Variants in ACTR6 observed in about 807,000 individuals in gnomAD.
ACTR6 encodes actin related protein 6.
Under a neutral mutation model 52.5 loss-of-function variants are expected in ACTR6, and 50 were observed. The observed-to-expected ratio is 0.95, with a 90% CI of 0.76 to 1.20. The LOEUF is 1.20. Ranked by LOEUF, ACTR6 falls within the 50% of genes most tolerant of loss-of-function variation. The probability of loss-of-function intolerance (pLI) is 0.00; values close to 1 mark genes in which losing one functional copy is unlikely to be tolerated. For missense variants in ACTR6, 344 were observed against 472.4 expected, an observed-to-expected ratio of 0.73 and a Z score of 2.52; for synonymous variants, 135 against 147.2, an observed-to-expected ratio of 0.92 and a Z score of 0.60.
At chr12:100,216,755 AT>A (rs2096124225) in intron 8 of ACTR6, among the ~76,000 whole-genome samples, 1 of 152,178 alleles carries the variant, frequency 6.6e-6, no homozygotes, top group Non-Finnish European at 1.5e-5. Context: ...AATATTTTCC[AT>A]TCTGCTTGAG....
chr12:100,219,713 C>T (rs1000639079), intron 9 of ACTR6, among the ~76,000 whole-genome samples: 14 of 152,122 alleles, frequency 9.2e-5, no homozygotes, highest in Non-Finnish European at 1.9e-4. Context: ...CAGTGTCACT[C>T]ATTTATATAT....
intron 4 of ACTR6, 61 bp from the exon 5 acceptor site, chr12:100,210,011 CT>C (rs2096118516): frequency 1.4e-6 from 2 of 1,441,784 alleles, no homozygotes; most frequent in Non-Finnish European, 9.3e-7. Context: ...TGTTTCCTAC[CT>C]TTTTAATTGC....
At chr12:100,212,380 T>C (rs1191954658) in intron 7 of ACTR6, 26 bp downstream of exon 7, 3 of 1,592,726 alleles carry the variant, frequency 1.9e-6, no homozygotes, top group Non-Finnish European at 2.6e-6. Context: ...ATCTAAGAAT[T>C]GGAAAGTAGA....
Position 100,207,914 on chromosome 12 carries a change from A to C in ACTR6, c.379+128A>C, listed in dbSNP as rs2096116302. 9.8e-6 allele frequency: 10 copies of C among 1,023,954 alleles called. No homozygotes were observed. The East Asian group carries it at 2.8e-4, about 29-fold the overall frequency. 63.4% of individuals were successfully genotyped at this position (1,023,954 alleles called of 1,614,324 possible). A position where few individuals can be genotyped will look rare whatever the true frequency, so the allele number is the denominator to read the frequency against. Reference sequence around the variant, plus strand: ...AGTGGCTAACACCTGTAACCCCATCAGTTTGGGAGGCTGAGGCGAGTAGAT... The same window carrying C: ...AGTGGCTAACACCTGTAACCCCATCCGTTTGGGAGGCTGAGGCGAGTAGAT... On this transcript the variant is annotated intron_variant, in intron 4 of 10. Transcript: ENST00000188312.
intron 4 of ACTR6, among the ~76,000 whole-genome samples, chr12:100,209,580 A>G (rs2096118145): frequency 6.6e-6 from 1 of 152,102 alleles, no homozygotes; most frequent in African/African-American, 2.4e-5. Flanking sequence ...GAGTTATCCA[A>G]CCCCCAATGT....
chr12:100,217,705 G>T (rs1168376343), intron 8 of ACTR6, among the ~76,000 whole-genome samples: 6 of 152,126 alleles, frequency 3.9e-5, no homozygotes, highest in Admixed American at 6.6e-5. Flanking sequence ...AAGGACCATG[G>T]ACTTGCTTAC....
Position 100,210,068 on chromosome 12 carries a change from A to G in ACTR6, c.380-5A>G. ...TTGTTCACTTTTTTATCTTTTTTTA[A>G]ATAGCTGGGGCTCTCAGTGCACATA... On this transcript the variant is annotated splice_region_variant and splice_polypyrimidine_tract_variant and intron_variant, in intron 4 of 10. Coordinates refer to ENST00000188312, the MANE Select transcript of ACTR6 (RefSeq NM_022496.5). The G allele has an allele frequency of 6.4e-7, 1 of 1,564,462 alleles. No individual in the cohort carries two copies. The highest frequency in any genetic ancestry group is 8.6e-7 in the Non-Finnish European group (1 of 1,164,838).
chr12:100,221,154 T>C (rs1179292867), intron 10 of ACTR6, among the ~76,000 whole-genome samples: 1 of 152,154 alleles, frequency 6.6e-6, no homozygotes, highest in African/African-American at 2.4e-5. Context: ...TTAATAGCAA[T>C]GATCAGATTA....
Position 100,204,962 on chromosome 12 carries a change from C to T in ACTR6, c.91C>T (p.Arg31Trp), listed in dbSNP as rs747971263. Residue 31 changes from arginine (R) to tryptophan (W), a missense_variant, in exon 2 of 11, where the codon CGG (arginine) becomes TGG (tryptophan). Coordinates refer to ENST00000188312, the MANE Select transcript of ACTR6 (RefSeq NM_022496.5). ...TAGGGTTATTCCTAATTGTCAGTTC[C>T]GGTCAAAAACAGCACGTCTTAAAAC... ...NVSVIPNCQF[R>W]SKTARLKTFT... 1.2e-6 allele frequency: 2 copies of T among 1,609,626 alleles called. No homozygotes were observed. The highest frequency in any genetic ancestry group is 1.7e-6 in the Non-Finnish European group (2 of 1,176,652).
chr12:100,217,827 T>C (rs973323660), intron 8 of ACTR6, among the ~76,000 whole-genome samples: 8 of 152,104 alleles, frequency 5.3e-5, no homozygotes, highest in Admixed American at 1.3e-4. Flanking sequence ...GAGCCACATA[T>C]CCAGTAAACA....
chr12:100,221,525 A>G (rs1198969264), intron 10 of ACTR6: 1 of 152,168 alleles, frequency 6.6e-6, no homozygotes, highest in East Asian at 1.9e-4. Context: ...TTATTATTTT[A>G]TTAAATAAAT....
At chr12:100,206,459 G>C (rs2096114700) in intron 3 of ACTR6, among the ~76,000 whole-genome samples, 1 of 152,126 alleles carries the variant, frequency 6.6e-6, no homozygotes, top group Non-Finnish European at 1.5e-5. Context: ...GCCTGGGTAA[G>C]ACTATGTCTC....
rs561154060 is a variant in ACTR6 at position 100,214,310 on chromosome 12, T to A, written c.750+1782T>A. ...GGTGAATACATGGGTTTTATATAAT[T>A]ATTTATACTTAGTATGCCTGAAAAC... On this transcript the variant is annotated intron_variant, in intron 8 of 10. Coordinates refer to ENST00000188312, the MANE Select transcript of ACTR6 (RefSeq NM_022496.5). 5.3e-5 allele frequency among the ~76,000 whole-genome samples: 8 copies of A among 152,310 alleles called. No individual in the cohort carries two copies. The South Asian group carries it at 1.4e-3, about 28-fold the overall frequency.
chr12:100,204,531 T>C (rs536727590), intron 1 of ACTR6, among the ~76,000 whole-genome samples: 1 of 152,272 alleles, frequency 6.6e-6, no homozygotes, highest in East Asian at 1.9e-4. Context: ...TGGCTAATTT[T>C]TGTGTTTTTT....
At chr12:100,214,109 C>T (rs1324376363) in intron 8 of ACTR6, among the ~76,000 whole-genome samples, 2 of 152,164 alleles carry the variant, frequency 1.3e-5, no homozygotes, top group Non-Finnish European at 2.9e-5. Context: ...TTTTAGAAAG[C>T]TATGTACACT....
chr12:100,205,033 CTT>C lies in ACTR6; in HGVS notation c.165_166del (p.Phe55LeufsTer32). ...ATGAAATAAAAGACCCTTCTGGACT[CTT>C]TTACATCCTCCCTTTTCAAAAGGTA... ...IDEIKDPSGL[F>X]YILPFQKGYL... is the part of the protein sequence containing the mutation. On this transcript the variant is annotated frameshift_variant, in exon 2 of 11. Coordinates refer to ENST00000188312, the MANE Select transcript of ACTR6 (RefSeq NM_022496.5). LOFTEE classifies it high-confidence loss of function. 1 of 1,590,478 alleles carries C rather than the reference CTT, an allele frequency of 6.3e-7. No individual in the cohort carries two copies. The highest frequency in any genetic ancestry group is 8.6e-7 in the Non-Finnish European group (1 of 1,163,326).
intron 10 of ACTR6, among the ~76,000 whole-genome samples, chr12:100,220,989 A>G (rs566751560): frequency 2.9e-4 from 44 of 151,026 alleles, no homozygotes; most frequent in Non-Finnish European, 5.3e-4. Flanking sequence ...TCTGTCTCAA[A>G]AACAAACAAA....
chr12:100,214,921 C>T (rs901946902), intron 8 of ACTR6, among the ~76,000 whole-genome samples: 2 of 152,060 alleles, frequency 1.3e-5, no homozygotes, highest in African/African-American at 4.8e-5. Context: ...TTTTCTTCTT[C>T]ACAAGACAAG....
chr12:100,216,443 C>A (rs1014839429), intron 8 of ACTR6, among the ~76,000 whole-genome samples: 2 of 152,338 alleles, frequency 1.3e-5, no homozygotes, highest in South Asian at 4.1e-4. Flanking sequence ...GGGTTATAGG[C>A]GTGAGCCAGT....
Sources: gnomAD v4.1 joint callset for allele counts (sites outside exome capture counted in the v4.1 genomes callset) on GRCh38, gnomAD v4.1.1 for gene constraint, MANE v1.5 for transcripts, NCBI Gene and HGNC (gene_info 2026-07-23, HGNC 2026-07-21) for gene names.